PCDHA11: variants seen among roughly 807,000 people sequenced by gnomAD.
PCDHA11 encodes the protein protocadherin alpha-11.
Under a neutral mutation model 70.3 loss-of-function variants are expected in PCDHA11, and 61 were observed. The ratio of observed to expected loss-of-function variants is 0.87; its 90% CI spans 0.71 to 1.07. The LOEUF is 1.07. PCDHA11 is among the 50% of genes least tolerant of loss of function. The pLI, the probability that PCDHA11 is intolerant of heterozygous loss-of-function variation, is 0.00. For synonymous variants in PCDHA11, 633 were observed against 555.1 expected, an observed-to-expected ratio of 1.14 and a Z score of -1.97; for missense variants, 1,324 against 1,237.5, an observed-to-expected ratio of 1.07 and a Z score of -1.05.
At chr5:140,947,769 A>G (rs2094173274) in intron 1 of PCDHA11, among the ~76,000 whole-genome samples, 1 of 151,626 alleles carries the variant, frequency 6.6e-6, no homozygotes, top group South Asian at 2.1e-4. Context: ...AAAAAATTCT[A>G]TTGTAAATGG....
At position 140,871,466 on chromosome 5, in the gene PCDHA11, A is replaced by T; in HGVS notation, c.2363A>T (p.Gln788Leu). The T allele has an allele frequency of 6.2e-7, 1 of 1,603,050 alleles. No individual in the cohort carries two copies. ...GLNKEEEGER[Q>L]EPGSNHPGQP... ...AATAAAGAGGAGGAAGGGGAAAGACAGGAGCCAGGGTCAAATCACCCCGGA... is the reference window on the plus strand; with the variant it reads ...AATAAAGAGGAGGAAGGGGAAAGACTGGAGCCAGGGTCAAATCACCCCGGA... Residue 788 changes from glutamine (Q) to leucine (L), a missense_variant, in exon 1 of 4, where the codon CAG becomes CTG. Transcript: ENST00000398640.
intron 1 of PCDHA11, chr5:140,877,083 G>T: frequency 6.2e-7 from 1 of 1,613,166 alleles, no homozygotes; most frequent in Non-Finnish European, 8.5e-7. Context: ...AGGTGAGCGC[G>T]CGCGACGCCG....
chr5:140,946,216 C>T (rs1361042644), intron 1 of PCDHA11, among the ~76,000 whole-genome samples: 1 of 151,868 alleles, frequency 6.6e-6, no homozygotes, highest in Non-Finnish European at 1.5e-5. Flanking sequence ...AAATGACCAA[C>T]AGGTATACTA....
rs1246479266 is a variant in PCDHA11 at position 140,871,243 on chromosome 5, C to G, written c.2140C>G (p.Leu714Val). 1 of 1,613,862 alleles carries G rather than the reference C, an allele frequency of 6.2e-7. No homozygotes were observed. The highest frequency in any genetic ancestry group is 1.3e-5 in the African/African-American group (1 of 74,956). Residue 714 changes from leucine to valine, a missense_variant, in exon 1 of 4, where the codon CTG becomes GTG. Coordinates refer to ENST00000398640, the MANE Select transcript of PCDHA11 (RefSeq NM_018902.5). ...GGTGTCCAGCCTCCTGGTACTCACG[C>G]TGCTGCTGTATACGGCGCTGTGGTG... Reference protein sequence around the residue: ...CVVSSLLVLTLLLYTALWWSA... With the variant: ...CVVSSLLVLTVLLYTALWWSA...
intron 1 of PCDHA11, among the ~76,000 whole-genome samples, chr5:140,916,911 GA>G (rs2077779129): frequency 1.3e-5 from 2 of 152,178 alleles, no homozygotes; most frequent in Admixed American, 1.3e-4. Context: ...AGTTTACCTA[GA>G]ACCTCAGAGC....
chr5:140,979,411 T>C (rs1422593406), intron 2 of PCDHA11, among the ~76,000 whole-genome samples: 1 of 152,204 alleles, frequency 6.6e-6, no homozygotes, highest in Non-Finnish European at 1.5e-5. Flanking sequence ...CTACCTTGTT[T>C]TTTTTTTAAT....
chr5:140,882,542 C>A, intron 1 of PCDHA11: 5 of 1,614,166 alleles, frequency 3.1e-6, no homozygotes, highest in Non-Finnish European at 3.4e-6. Context: ...TCGGATCGAC[C>A]GCGAGGAGCT....
Position 140,870,224 on chromosome 5 carries a change from C to T in PCDHA11, c.1121C>T (p.Ser374Phe). 6.2e-7 allele frequency: 1 copy of T among 1,614,184 alleles called. No individual in the cohort carries two copies. The highest frequency in any genetic ancestry group is 1.7e-5 in the Admixed American group (1 of 60,038). ...PSTVIALISV[S>F]DRDSGVNGQV... Reference sequence around the variant, plus strand: ...ACGGTCATTGCCCTGATCAGCGTGTCTGACCGTGACTCAGGTGTCAACGGA... The same window carrying T: ...ACGGTCATTGCCCTGATCAGCGTGTTTGACCGTGACTCAGGTGTCAACGGA... Residue 374 changes from serine (S) to phenylalanine (F), a missense_variant, in exon 1 of 4, where the codon TCT becomes TTT. By Grantham distance (155) the Ser-to-Phe change is radical. Coordinates refer to ENST00000398640, the MANE Select transcript of PCDHA11 (RefSeq NM_018902.5).
chr5:140,871,573 T>A (rs1554165748), intron 1 of PCDHA11, 79 bp downstream of exon 1: 1 of 1,477,842 alleles, frequency 6.8e-7, no homozygotes, highest in Non-Finnish European at 9.0e-7. Flanking sequence ...ACGGATTTTT[T>A]AAGGGAAAGT....
chr5:140,880,836 A>G (rs1228476405), intron 1 of PCDHA11, among the ~76,000 whole-genome samples: 1 of 152,218 alleles, frequency 6.6e-6, no homozygotes, highest in Non-Finnish European at 1.5e-5. Context: ...GCATATTTTA[A>G]ATGGTTGACT....
intron 3 of PCDHA11, among the ~76,000 whole-genome samples, chr5:140,990,378 T>G (rs1554251448): frequency 6.6e-6 from 1 of 152,128 alleles, no homozygotes; most frequent in African/African-American, 2.4e-5. Context: ...GCAAATTTGT[T>G]GGTGATGTTC....
In PCDHA11 at chr5:140,976,256, AAC is replaced by A. The variant is rs372931931; in HGVS notation, c.2392-2689_2392-2688del. On this transcript the variant is annotated intron_variant, in intron 1 of 3. Transcript: ENST00000398640. Reference sequence around the variant, plus strand: ...TGTCATTTCATGTAAATTTATTTAAAACACAGACTTTTGGCAAGGCACAGTGG... The same window carrying A: ...TGTCATTTCATGTAAATTTATTTAAAACAGACTTTTGGCAAGGCACAGTGG... Among the ~76,000 whole-genome samples the A allele has an allele frequency of 3.2e-3, 487 of 152,352 alleles. 7 individuals carry two copies. Among genetic ancestry groups the A allele is most frequent in the Middle Eastern group, 0.01 (3 of 294 alleles).
chr5:140,961,736 T>C (rs1554225571), intron 1 of PCDHA11, among the ~76,000 whole-genome samples: 1 of 152,178 alleles, frequency 6.6e-6, no homozygotes. Context: ...ACAATCACTT[T>C]AGTAATATTA....
intron 1 of PCDHA11, among the ~76,000 whole-genome samples, chr5:140,932,861 G>A (rs1554209099): frequency 6.6e-6 from 1 of 151,858 alleles, no homozygotes; most frequent in Non-Finnish European, 1.5e-5. Flanking sequence ...ATGACTTATT[G>A]TCTTTTGTTG....
At chr5:140,877,274 C>G (rs781933102) in intron 1 of PCDHA11, 1 of 1,613,856 alleles carries the variant, frequency 6.2e-7, no homozygotes, top group South Asian at 1.1e-5. Context: ...GACGCTGACT[C>G]CGGCTATAAC....
chr5:141,008,985 A>C (rs566679512), intron 3 of PCDHA11, among the ~76,000 whole-genome samples: 1 of 152,240 alleles, frequency 6.6e-6, no homozygotes, highest in Non-Finnish European at 1.5e-5. Context: ...AGTTTAATCT[A>C]GACACTAAAA....
chr5:140,917,952 GA>G (rs1180047836), intron 1 of PCDHA11, among the ~76,000 whole-genome samples: 1 of 152,002 alleles, frequency 6.6e-6, no homozygotes, highest in Non-Finnish European at 1.5e-5. Flanking sequence ...AGTTTGATAG[GA>G]ACATCATTGA....
At position 140,999,690 on chromosome 5, in the gene PCDHA11, G is replaced by A. The variant is rs113599808; in HGVS notation, c.2540-9937G>A. Among the ~76,000 whole-genome samples the A allele has an allele frequency of 6.4e-3, 977 of 152,230 alleles. 14 individuals are homozygous for A. Among genetic ancestry groups the A allele is most frequent in the African/African-American group, 0.023 (950 of 41,554 alleles). Reference sequence around the variant, plus strand: ...CGGGGGGCTCACAGAAAGAAGAAATGTGATTTTTTTTTAGCTAACTACGGA... The same window carrying A: ...CGGGGGGCTCACAGAAAGAAGAAATATGATTTTTTTTTAGCTAACTACGGA... On this transcript the variant is annotated intron_variant, in intron 3 of 3. Coordinates refer to ENST00000398640, the MANE Select transcript of PCDHA11 (RefSeq NM_018902.5).
chr5:140,945,430 T>C (rs1389561787), intron 1 of PCDHA11, among the ~76,000 whole-genome samples: 2 of 152,082 alleles, frequency 1.3e-5, no homozygotes, highest in African/African-American at 4.8e-5. Flanking sequence ...ATGAAGTTTT[T>C]ACAGAAATAT....
Sources: gnomAD v4.1 joint callset for allele counts (sites outside exome capture counted in the v4.1 genomes callset) on GRCh38, gnomAD v4.1.1 for gene constraint, MANE v1.5 for transcripts, NCBI Gene and HGNC (gene_info 2026-07-23, HGNC 2026-07-21) for gene names.